Variants in INPP4B observed in about 807,000 individuals in gnomAD.
The protein encoded by INPP4B is inositol polyphosphate-4-phosphatase type II B, also known as inositol polyphosphate 4-phosphatase type II.
Under a neutral mutation model 122.5 loss-of-function variants are expected in INPP4B, and 55 were observed. That is an observed-to-expected ratio of 0.45 (90% CI 0.36 to 0.56). The LOEUF is 0.56. Among genes scored for constraint, INPP4B ranks in the 20% least tolerant of loss-of-function variants. The pLI is 0.00. For synonymous variants in INPP4B, 403 were observed against 388.7 expected (o/e 1.04, Z -0.43); for missense variants, 1,000 against 1,097.7 (o/e 0.91, Z 1.26).
intron 2 of INPP4B, among the ~76,000 whole-genome samples, chr4:142,521,279 T>C (rs1380808774): frequency 1.3e-5 from 2 of 151,948 alleles, no homozygotes; most frequent in African/African-American, 4.8e-5. Context: ...AAGGATTCCA[T>C]GGTAAAATAA....
chr4:142,399,290 A>G (rs1800837327), intron 7 of INPP4B, among the ~76,000 whole-genome samples: 1 of 134,144 alleles, frequency 7.5e-6, no homozygotes, highest in Admixed American at 9.2e-5. Flanking sequence ...TCTGCCTCCC[A>G]AGTTCAAGAT....
intron 1 of INPP4B, among the ~76,000 whole-genome samples, chr4:142,806,793 AAGAAAG>A (rs1285419408): frequency 8.1e-5 from 11 of 135,612 alleles, no homozygotes; most frequent in Admixed American, 2.3e-4. Flanking sequence ...GAAGGAAAGA[AAGAAAG>A]AAAGAAAGAA....
intron 23 of INPP4B, among the ~76,000 whole-genome samples, chr4:142,096,658 A>G (rs1333740746): frequency 6.6e-6 from 1 of 152,196 alleles, no homozygotes; most frequent in Non-Finnish European, 1.5e-5. Flanking sequence ...TTTTAATGCT[A>G]AAAAAGCATT....
intron 9 of INPP4B, among the ~76,000 whole-genome samples, chr4:142,280,891 C>A (rs1004184536): frequency 6.6e-6 from 1 of 151,858 alleles, no homozygotes; most frequent in Non-Finnish European, 1.5e-5. Flanking sequence ...TTCAAAATAT[C>A]TAAAGACATT....
chr4:142,810,148 T>G, intron 1 of INPP4B, among the ~76,000 whole-genome samples: 2 of 138,180 alleles, frequency 1.4e-5, no homozygotes, highest in East Asian at 2.0e-4. Flanking sequence ...CCAGCCTGGG[T>G]GACAGAGTGA....
At chr4:142,329,652 C>T (rs1009448532) in intron 7 of INPP4B, among the ~76,000 whole-genome samples, 12 of 152,202 alleles carry the variant, frequency 7.9e-5, no homozygotes, top group East Asian at 3.9e-4. Context: ...GCTAGATATG[C>T]AGGTTTTTAG....
At chr4:142,041,056 A>C (rs776192294) in intron 25 of INPP4B, among the ~76,000 whole-genome samples, 1 of 152,152 alleles carries the variant, frequency 6.6e-6, no homozygotes, top group South Asian at 2.1e-4. Flanking sequence ...TTAGCTCCCA[A>C]ATAAAAATAA....
Position 142,029,805 on chromosome 4 carries a change from T to A in INPP4B, c.2643-891A>T, listed in dbSNP as rs983476080. The A allele has an allele frequency of 1.1e-5, 11 of 1,006,756 alleles. No individual in the cohort carries two copies. The African/African-American group carries it at 1.9e-4, about 17-fold the overall frequency. The allele number at this position is 1,006,756 out of a possible 1,614,324, so 62.4% of individuals were successfully genotyped here. A position where few individuals can be genotyped will look rare whatever the true frequency, so the allele number is the denominator to read the frequency against. On this transcript the variant is annotated intron_variant, in intron 25 of 25. Coordinates refer to ENST00000262992, the MANE Select transcript of INPP4B (RefSeq NM_001101669.3). ...CAAATTTCAGTCTTAATTTCTTTAA[T>A]AAATTTAGTGGGATGAGGACAGGAG...
At chr4:142,674,298 G>A (rs1329174281) in intron 2 of INPP4B, among the ~76,000 whole-genome samples, 2 of 151,996 alleles carry the variant, frequency 1.3e-5, no homozygotes, top group African/African-American at 4.8e-5. Context: ...TGGGTCTTCT[G>A]TCCAAAGATG....
intron 11 of INPP4B, among the ~76,000 whole-genome samples, chr4:142,245,823 T>A (rs1206088321): frequency 1.6e-5 from 2 of 124,632 alleles, no homozygotes; most frequent in African/African-American, 6.1e-5. Flanking sequence ...TATACATATA[T>A]GTGTATGTAT....
At chr4:142,073,846 C>A (rs75904079) in intron 25 of INPP4B, among the ~76,000 whole-genome samples, 2,122 of 152,142 alleles carry the variant, frequency 0.014, 27 homozygotes, top group East Asian at 0.058. Flanking sequence ...GCATCTCAGC[C>A]TTCTTTAGTG....
intron 2 of INPP4B, among the ~76,000 whole-genome samples, chr4:142,543,009 A>G (rs1326507145): frequency 1.3e-5 from 2 of 152,144 alleles, no homozygotes; most frequent in Admixed American, 1.3e-4. Flanking sequence ...TATCTTTCTT[A>G]TTATTATTAG....
At chr4:142,632,670 G>A (rs1403153542) in intron 2 of INPP4B, among the ~76,000 whole-genome samples, 1 of 151,882 alleles carries the variant, frequency 6.6e-6, no homozygotes, top group Non-Finnish European at 1.5e-5. Flanking sequence ...AATACCCAAT[G>A]ATAATAGCAT....
At chr4:142,589,954 AT>A in intron 2 of INPP4B, among the ~76,000 whole-genome samples, 1 of 152,310 alleles carries the variant, frequency 6.6e-6, no homozygotes, top group Middle Eastern at 3.4e-3. Flanking sequence ...CAATTAAAAA[AT>A]AAGCTGTTAG....
intron 2 of INPP4B, among the ~76,000 whole-genome samples, chr4:142,628,429 GA>G (rs1248421416): frequency 4.3e-4 from 23 of 53,044 alleles, no homozygotes; most frequent in African/African-American, 1.3e-3. Flanking sequence ...GGGGAGGGGG[GA>G]GGGATAGCAT....
intron 18 of INPP4B, among the ~76,000 whole-genome samples, chr4:142,140,261 T>C (rs1807066266): frequency 6.6e-6 from 1 of 152,220 alleles, no homozygotes; most frequent in Admixed American, 6.5e-5. Context: ...AGGAACTTTA[T>C]CTTTGACAGG....
chr4:142,232,376 T>C (rs1196567699), intron 12 of INPP4B, among the ~76,000 whole-genome samples: 4 of 152,164 alleles, frequency 2.6e-5, no homozygotes, highest in African/African-American at 9.7e-5. Context: ...ATTTTAGAAC[T>C]GTTGCAATGT....
chr4:142,252,423 C>T (rs944992330), intron 11 of INPP4B, among the ~76,000 whole-genome samples: 3 of 151,870 alleles, frequency 2.0e-5, no homozygotes, highest in South Asian at 2.1e-4. Context: ...CTCCTGACCT[C>T]GTGATCCGCC....
intron 16 of INPP4B, among the ~76,000 whole-genome samples, chr4:142,166,959 A>G (rs1323554730): frequency 6.6e-6 from 1 of 151,836 alleles, no homozygotes; most frequent in African/African-American, 2.4e-5. Flanking sequence ...AATTAGTTCA[A>G]CCATTATGGA....
Sources: gnomAD v4.1 joint callset for allele counts (sites outside exome capture counted in the v4.1 genomes callset) on GRCh38, gnomAD v4.1.1 for gene constraint, MANE v1.5 for transcripts, NCBI Gene and HGNC (gene_info 2026-07-23, HGNC 2026-07-21) for gene names.